GALNS: variants seen among roughly 807,000 people sequenced by gnomAD.
GALNS encodes galactosamine (N-acetyl)-6-sulfatase, also known as N-acetylgalactosamine-6-sulfatase.
In GALNS, 65 loss-of-function variants were observed where a neutral mutation model predicts 65.9. That is an observed-to-expected ratio of 0.99 (90% CI 0.81 to 1.21). The LOEUF (loss-of-function observed/expected upper bound fraction) is 1.21. Among genes scored for constraint, GALNS ranks in the 50% most tolerant of loss-of-function variants. The pLI is 0.00. For synonymous variants in GALNS, 346 were observed against 288.9 expected (o/e 1.20, Z -2.00); for missense variants, 776 against 700.7 (o/e 1.11, Z -1.21).
At chr16:88,850,449 T>C (rs187347917) in intron 1 of GALNS, among the ~76,000 whole-genome samples, 1 of 152,148 alleles carries the variant, frequency 6.6e-6, no homozygotes, top group East Asian at 1.9e-4. Flanking sequence ...CAGCGGAAAA[T>C]GCTGTAAAGG....
chr16:88,816,822 G>A, intron 13 of GALNS: 1 of 985,470 alleles, frequency 1.0e-6, no homozygotes, highest in Non-Finnish European at 1.2e-6. Context: ...CACAGCAGGA[G>A]CCCAGGCTGA....
intron 12 of GALNS, among the ~76,000 whole-genome samples, chr16:88,821,286 C>T (rs575634481): frequency 3.3e-5 from 5 of 152,044 alleles, no homozygotes; most frequent in East Asian, 3.9e-4. Flanking sequence ...AGGCTGGTGG[C>T]GCTCTGTCCA....
At chr16:88,848,594 C>T (rs995904808) in intron 1 of GALNS, among the ~76,000 whole-genome samples, 9 of 146,600 alleles carry the variant, frequency 6.1e-5, no homozygotes, top group South Asian at 4.3e-4. Flanking sequence ...AAAGGAAGTG[C>T]GGGCATCCTG....
chr16:88,835,466 C>T, intron 7 of GALNS, 114 bp from the exon 8 acceptor site: 1 of 1,413,014 alleles, frequency 7.1e-7, no homozygotes, highest in Non-Finnish European at 9.8e-7. Context: ...CTTCACAGAC[C>T]ACAGTGAAAC....
intron 13 of GALNS, chr16:88,815,853 G>A (rs1909567930): frequency 1.0e-6 from 1 of 985,278 alleles, no homozygotes; most frequent in Non-Finnish European, 1.2e-6. Flanking sequence ...GTGTGTTTGA[G>A]TCTGGATGGG....
intron 1 of GALNS, among the ~76,000 whole-genome samples, chr16:88,846,116 G>A (rs1399085294): frequency 6.6e-6 from 1 of 152,244 alleles, no homozygotes; most frequent in African/African-American, 2.4e-5. Flanking sequence ...ACTGGGAACA[G>A]AAATTTGGTT....
intron 1 of GALNS, among the ~76,000 whole-genome samples, chr16:88,849,346 G>C (rs182454082): frequency 1.3e-5 from 2 of 152,086 alleles, no homozygotes; most frequent in African/African-American, 2.4e-5. Flanking sequence ...GTGCAGTGGC[G>C]TGGTCTTGGC....
intron 12 of GALNS, among the ~76,000 whole-genome samples, chr16:88,819,225 G>C (rs375303703): frequency 2.1e-5 from 3 of 143,540 alleles, no homozygotes; most frequent in Non-Finnish European, 4.6e-5. Context: ...CTTTCTGCTC[G>C]ATCCACCCAC....
At chr16:88,825,574 G>T (rs1469200834) in intron 10 of GALNS, among the ~76,000 whole-genome samples, 1 of 85,040 alleles carries the variant, frequency 1.2e-5, no homozygotes, top group Non-Finnish European at 3.0e-5. Flanking sequence ...GGGATTCCTG[G>T]GCAGCTGGGG....
chr16:88,843,473 G>A (rs978944164), intron 1 of GALNS: 4 of 341,398 alleles, frequency 1.2e-5, no homozygotes, highest in East Asian at 7.5e-5. Flanking sequence ...CGTGTACTAC[G>A]TGGGTGTGGC....
intron 2 of GALNS, chr16:88,842,289 C>CG: frequency 1.9e-6 from 1 of 532,488 alleles, no homozygotes; most frequent in Non-Finnish European, 3.4e-6. Flanking sequence ...GCACCAGCCC[C>CG]GTGCCCTGCC....
At position 88,841,965 on chromosome 16, in the gene GALNS, G is replaced by A. The variant is rs141340188; in HGVS notation, c.251C>T (p.Ala84Val). 6.8e-6 allele frequency: 11 copies of A among 1,612,124 alleles called. No individual in the cohort carries two copies. The highest frequency in any genetic ancestry group is 8.5e-6 in the Non-Finnish European group (10 of 1,179,220). The change falls in exon 3 of 14, where the codon GCG (alanine) becomes GTG (valine). Residue 84 changes from alanine to valine, a missense_variant. Coordinates refer to ENST00000268695, the MANE Select transcript of GALNS (RefSeq NM_000512.5). ...SANPLCSPSR[A>V]ALLTGRLPIR... ...GGGTAGCCGTCCTGTGAGCAGTGCC[G>A]CCCTCGCTATGTGGAGGTGACAGAA...
At chr16:88,852,616 G>GTC (rs1967556479) in intron 1 of GALNS, among the ~76,000 whole-genome samples, 1 of 152,172 alleles carries the variant, frequency 6.6e-6, no homozygotes, top group Admixed American at 6.5e-5. Context: ...TGAATCCATG[G>GTC]TAAGGAAGCT....
At chr16:88,843,337 C>T in intron 1 of GALNS, 2 of 655,554 alleles carry the variant, frequency 3.1e-6, no homozygotes, top group Admixed American at 2.8e-5. Flanking sequence ...CCTAGCTGTA[C>T]ACCCAAGAGA....
At chr16:88,854,034 G>T (rs562844554) in intron 1 of GALNS, among the ~76,000 whole-genome samples, 1 of 152,324 alleles carries the variant, frequency 6.6e-6, no homozygotes, top group East Asian at 1.9e-4. Flanking sequence ...TTGCTTAGAC[G>T]AAAGGGGGGC....
At chr16:88,852,879 C>A (rs1967573088) in intron 1 of GALNS, among the ~76,000 whole-genome samples, 1 of 151,332 alleles carries the variant, frequency 6.6e-6, no homozygotes, top group South Asian at 2.1e-4. Flanking sequence ...TGCTTGAGCC[C>A]AGTAGTTTGA....
chr16:88,829,577 C>T (rs969373659), intron 9 of GALNS, among the ~76,000 whole-genome samples: 3 of 152,248 alleles, frequency 2.0e-5, no homozygotes, highest in Non-Finnish European at 2.9e-5. Context: ...AGAGAACAGG[C>T]GCCCTTGGCA....
rs1597547620 is a variant in GALNS at position 88,826,765 on chromosome 16, C to T, written c.1076G>A (p.Ser359Asn). The T allele has an allele frequency of 1.2e-6, 2 of 1,610,168 alleles. No homozygotes were observed. The highest frequency in any genetic ancestry group is 1.7e-6 in the Non-Finnish European group (2 of 1,178,792). ...SLALAGLTPP[S>N]DRAIDGLNLL... ...GTTGAGGCCATCAATGGCCCTGTCG[C>T]TGGGCGGCGTCAGGCCCGCAAGGGC... The change falls in exon 10 of 14, where the codon AGC becomes AAC. Residue 359 changes from serine (S) to asparagine (N), a missense_variant. Ser to Asn is a conservative substitution (Grantham distance 46, BLOSUM62 1). Coordinates refer to ENST00000268695, the MANE Select transcript of GALNS (RefSeq NM_000512.5).
intron 9 of GALNS, among the ~76,000 whole-genome samples, chr16:88,829,574 A>G (rs1911274016): frequency 6.6e-6 from 1 of 152,242 alleles, no homozygotes; most frequent in Non-Finnish European, 1.5e-5. Flanking sequence ...TGTAGAGAAC[A>G]GGCGCCCTTG....
Sources: gnomAD v4.1 joint callset for allele counts (sites outside exome capture counted in the v4.1 genomes callset) on GRCh38, gnomAD v4.1.1 for gene constraint, MANE v1.5 for transcripts, NCBI Gene and HGNC (gene_info 2026-07-23, HGNC 2026-07-21) for gene names.